Variants in TICRR observed in about 807,000 individuals in gnomAD.
TICRR encodes treslin.
In TICRR, 132 loss-of-function variants were observed where a neutral mutation model predicts 178.1. The observed-to-expected ratio is 0.74, with a 90% confidence interval of 0.64 to 0.86. The LOEUF (loss-of-function observed/expected upper bound fraction) is 0.86, where lower values mean the gene tolerates loss of function less well. TICRR is among the 40% of genes least tolerant of loss of function. The pLI, the probability that TICRR is intolerant of heterozygous loss-of-function variation, is 0.00. For synonymous variants in TICRR, 991 were observed against 900.7 expected (o/e 1.10, Z -1.79); for missense variants, 2,587 against 2,334.3 (o/e 1.11, Z -2.23).
chr15:89,577,790 T>A (rs1169671532), intron 1 of TICRR, among the ~76,000 whole-genome samples: 3 of 151,698 alleles, frequency 2.0e-5, no homozygotes, highest in African/African-American at 7.3e-5. Flanking sequence ...TTTGTATTTT[T>A]AGTAGAGACG....
intron 15 of TICRR, among the ~76,000 whole-genome samples, chr15:89,609,455 T>A (rs920563): frequency 0.5 from 76,138 of 151,608 alleles, 19,770 homozygotes; most frequent in Non-Finnish European, 0.58. Flanking sequence ...TGGTTTATTG[T>A]TTTTTCTCTA....
intron 4 of TICRR, among the ~76,000 whole-genome samples, chr15:89,586,394 AATTCATTC>A (rs908089267): frequency 6.6e-6 from 1 of 152,056 alleles, no homozygotes; most frequent in Non-Finnish European, 1.5e-5. Flanking sequence ...ATATTTCTTT[AATTCATTC>A]ATTCATTCAA....
At chr15:89,580,749 C>T (rs1962709795) in intron 1 of TICRR, among the ~76,000 whole-genome samples, 1 of 152,190 alleles carries the variant, frequency 6.6e-6, no homozygotes, top group Non-Finnish European at 1.5e-5. Flanking sequence ...TAAAAGCAGT[C>T]TAGGCCAGGC....
intron 1 of TICRR, among the ~76,000 whole-genome samples, chr15:89,580,390 T>C (rs1962703068): frequency 6.6e-6 from 1 of 152,210 alleles, no homozygotes; most frequent in Non-Finnish European, 1.5e-5. Flanking sequence ...TGGCTGGTCT[T>C]CTGGCTGAAA....
Position 89,602,777 on chromosome 15 carries a change from C to G in TICRR, c.2568-19C>G, listed in dbSNP as rs776128032. The G allele has an allele frequency of 4.1e-5, 54 of 1,326,562 alleles. No individual in the cohort carries two copies. The highest frequency in any genetic ancestry group is 5.4e-5 in the Non-Finnish European group (54 of 996,572). 82.2% of individuals were successfully genotyped at this position (1,326,562 alleles called of 1,614,324 possible). A position where few individuals can be genotyped will look rare whatever the true frequency, so the allele number is the denominator to read the frequency against. ...ATAACCTCTATCTAGTATGTATTAACTATTTCTATTTTTAAAAGGAAAAAT... is the reference window on the plus strand; with the variant it reads ...ATAACCTCTATCTAGTATGTATTAAGTATTTCTATTTTTAAAAGGAAAAAT... On this transcript the variant is annotated intron_variant, in intron 12 of 21. Transcript: ENST00000268138.
chr15:89,584,138 C>T, intron 2 of TICRR, 148 bp from the exon 3 acceptor site: 2 of 764,968 alleles, frequency 2.6e-6, no homozygotes, highest in Non-Finnish European at 4.0e-6. Context: ...TTGAAGTGTT[C>T]AACTAAGTGA....
In TICRR at chr15:89,601,718, C is replaced by T. The variant is rs775434519; in HGVS notation, c.2328-19C>T. ...GGTAAGATGGTAACTGTTCCGTATT[C>T]GATCAATCTGTTCCACAGGTATATT... On this transcript the variant is annotated intron_variant, in intron 11 of 21. Transcript: ENST00000268138. The T allele has an allele frequency of 4.3e-6, 7 of 1,613,864 alleles. No individual in the cohort carries two copies. The African/African-American group carries it at 5.3e-5, about 12-fold the overall frequency.
Position 89,600,699 on chromosome 15 carries a change from A to AT in TICRR, c.2153+20dup, listed in dbSNP as rs1288615328. 1 of 1,291,236 alleles carries AT rather than the reference A, an allele frequency of 7.7e-7. No homozygotes were observed. 80.0% of individuals were successfully genotyped at this position (1,291,236 alleles called of 1,614,324 possible). A position where few individuals can be genotyped will look rare whatever the true frequency, so the allele number is the denominator to read the frequency against. On this transcript the variant is annotated intron_variant, in intron 9 of 21. Coordinates refer to ENST00000268138, the MANE Select transcript of TICRR (RefSeq NM_152259.4). ...CAAAGTTAGAGAGTAAGTAACTACCATTTTTTAAAAAATCATCACTCTAAA... is the reference window on the plus strand; with the variant it reads ...CAAAGTTAGAGAGTAAGTAACTACCATTTTTTTAAAAAATCATCACTCTAAA...
rs557031581 is a variant in TICRR at position 89,605,167 on chromosome 15, T to G, written c.2665-1601T>G. ...TGTAAAGGGCCAGATAGTAGATGTT[T>G]TAGCCTTTGCAGGCCATACGTCTCT... On this transcript the variant is annotated intron_variant, in intron 13 of 21. Transcript: ENST00000268138. 3.3e-5 allele frequency among the ~76,000 whole-genome samples: 5 copies of G among 152,334 alleles called. No homozygotes were observed. The South Asian group carries it at 1.0e-3, about 32-fold the overall frequency.
Position 89,585,701 on chromosome 15 carries a change from C to CA in TICRR, c.1177-6dup, listed in dbSNP as rs1453249636. 1 of 1,604,160 alleles carries CA rather than the reference C, an allele frequency of 6.2e-7. No individual in the cohort carries two copies. Among genetic ancestry groups the CA allele is most frequent in the Non-Finnish European group, 8.5e-7 (1 of 1,170,922 alleles). ...ATATTCTCAACTAATTAGGGCTTCT[C>CA]ACGTAGGTTGCTGATGTGGACCCTG... On this transcript the variant is annotated splice_polypyrimidine_tract_variant and splice_region_variant and intron_variant, in intron 3 of 21. Transcript: ENST00000268138.
In TICRR at chr15:89,625,557, G is replaced by A; in HGVS notation, c.5247G>A (p.Gln1749=). Residue 1749 remains glutamine (Q), a synonymous_variant, in exon 20 of 22, where the codon CAG becomes CAA. Coordinates refer to ENST00000268138, the MANE Select transcript of TICRR (RefSeq NM_152259.4). The part of the protein sequence containing the change: ...ELEGVCQLPD[Q]SPPRNSMPKA... ...AGGGAGTGTGCCAGCTCCCAGACCA[G>A]TCGCCTCCCAGGAACAGCATGCCTA... The A allele has an allele frequency of 1.9e-6, 3 of 1,613,168 alleles. No individual in the cohort carries two copies. The highest frequency in any genetic ancestry group is 2.5e-6 in the Non-Finnish European group (3 of 1,180,012).
Position 89,625,996 on chromosome 15 carries a change from C to T in TICRR, c.5537C>T (p.Ala1846Val), listed in dbSNP as rs758874962. ...TGCCTCTCTGCCAGTGCCCTCCAGG[C>T]TCTGACCCAGTCTCCGCTGCTGTTC... ...RSCLSASALQ[A>V]LTQSPLLFQG... Residue 1846 changes from alanine (A) to valine (V), a missense_variant, in exon 21 of 22, where the codon GCT becomes GTT. Coordinates refer to ENST00000268138, the MANE Select transcript of TICRR (RefSeq NM_152259.4). The T allele has an allele frequency of 1.9e-6, 3 of 1,611,032 alleles. No individual in the cohort carries two copies. The highest frequency in any genetic ancestry group is 2.5e-6 in the Non-Finnish European group (3 of 1,178,544).
At chr15:89,607,141 G>A (rs937111693) in intron 14 of TICRR, among the ~76,000 whole-genome samples, 7 of 152,152 alleles carry the variant, frequency 4.6e-5, no homozygotes, top group African/African-American at 1.7e-4. Context: ...ATAGCTAAAT[G>A]CATTCCATGA....
rs1567045661 is a variant in TICRR at position 89,601,559 on chromosome 15, T to C, written c.2318T>C (p.Ile773Thr). 2 of 1,614,130 alleles carry C rather than the reference T, an allele frequency of 1.2e-6. No homozygotes were observed. The highest frequency in any genetic ancestry group is 8.5e-7 in the Non-Finnish European group (1 of 1,179,998). ...TACCTAGCAGAGTTTCTGGAGGAAA[T>C]TTTGAGATTGTAAGTTTGATGGTTA... ...SAYLAEFLEE[I>T]LRLYIDSIPK... The change falls in exon 11 of 22, where the codon ATT (isoleucine) becomes ACT (threonine). Residue 773 changes from isoleucine to threonine, a missense_variant. Ile to Thr is a moderately conservative substitution (Grantham distance 89). Transcript: ENST00000268138.
chr15:89,576,811 A>ATG (rs1178280901), intron 1 of TICRR, among the ~76,000 whole-genome samples: 225 of 11,820 alleles, frequency 0.019, 1 homozygote, highest in Middle Eastern at 0.05. Flanking sequence ...GTGTGTGTGT[A>ATG]TGTGTGTGTG....
chr15:89,586,056 A>G, intron 4 of TICRR, 114 bp downstream of exon 4: 1 of 689,968 alleles, frequency 1.4e-6, no homozygotes, highest in Non-Finnish European at 2.5e-6. Context: ...AACACAGATG[A>G]AAGAAAGCTA....
intron 12 of TICRR, among the ~76,000 whole-genome samples, chr15:89,602,453 G>A (rs113748842): frequency 7.2e-5 from 11 of 152,022 alleles, no homozygotes; most frequent in South Asian, 2.1e-4. Context: ...TATGCAGTTC[G>A]TCATTGAAGG....
Position 89,600,730 on chromosome 15 carries a change from T to G in TICRR, c.2153+45T>G, listed in dbSNP as rs1963079978. ...TAAAAAATCATCACTCTAAAAGCTGTGAGATTAGCTCGTATCAGTTTAAAA... is the reference window on the plus strand; with the variant it reads ...TAAAAAATCATCACTCTAAAAGCTGGGAGATTAGCTCGTATCAGTTTAAAA... On this transcript the variant is annotated intron_variant, in intron 9 of 21. Transcript: ENST00000268138. 3 of 923,900 alleles carry G rather than the reference T, an allele frequency of 3.2e-6. No homozygotes were observed. In the South Asian group the frequency reaches 4.7e-5, roughly 14 times the overall value. 57.2% of individuals were successfully genotyped at this position (923,900 alleles called of 1,614,324 possible). A position where few individuals can be genotyped will look rare whatever the true frequency, so the allele number is the denominator to read the frequency against.
intron 13 of TICRR, among the ~76,000 whole-genome samples, chr15:89,604,920 A>G (rs1963152566): frequency 3.9e-5 from 6 of 152,194 alleles, no homozygotes; most frequent in Admixed American, 2.6e-4. Flanking sequence ...AGTTCTCTGA[A>G]GGACCAATAT....
Sources: allele counts gnomAD v4.1 joint callset (sites outside exome capture counted in the v4.1 genomes callset), GRCh38; gene constraint gnomAD v4.1.1; transcripts MANE v1.5; gene names NCBI Gene and HGNC (gene_info 2026-07-23, HGNC 2026-07-21).